Variants in PRKAR1B observed in about 807,000 individuals in gnomAD.
The protein encoded by PRKAR1B is protein kinase cAMP-dependent type I regulatory subunit beta.
In PRKAR1B, 22 loss-of-function variants were observed where a neutral mutation model predicts 46.5. That is an observed-to-expected ratio of 0.47 (90% confidence interval 0.34 to 0.68). The LOEUF is 0.68. PRKAR1B is among the 30% of genes least tolerant of loss of function. The pLI is 0.01. For synonymous variants in PRKAR1B, 259 were observed against 217.7 expected, an observed-to-expected ratio of 1.19 and a Z score of -1.67; for missense variants, 445 against 535.6, an observed-to-expected ratio of 0.83 and a Z score of 1.67.
chr7:607,332 A>G, intron 5 of PRKAR1B, 59 bp downstream of exon 5: 3 of 1,491,022 alleles, frequency 2.0e-6, no homozygotes, highest in East Asian at 2.3e-5. Context: ...TTTTTTTTTT[A>G]AGTGCATAGT....
intron 4 of PRKAR1B, among the ~76,000 whole-genome samples, chr7:622,534 G>T (rs766699908): frequency 5.3e-5 from 8 of 152,190 alleles, no homozygotes; most frequent in Non-Finnish European, 8.8e-5. Flanking sequence ...CTTCCAACAT[G>T]TCTGATCTTT....
rs917234932 is a variant in PRKAR1B, at chr7:581,364, C to T, written c.770-1987G>A. On this transcript the variant is annotated intron_variant, in intron 8 of 10. Coordinates refer to ENST00000537384, the MANE Select transcript of PRKAR1B (RefSeq NM_001164760.2). ...AGAAGCTGCTGAATAATTCAGAACC[C>T]AGGCGTGCTCCCAAGCAGGCCAACA... is the stretch of plus-strand genomic sequence containing the variant. Among the ~76,000 whole-genome samples the T allele has an allele frequency of 5.2e-4, 79 of 151,502 alleles. 1 individual carries two copies. Among genetic ancestry groups the T allele is most frequent in the African/African-American group, 1.7e-3 (72 of 41,298 alleles).
At chr7:678,290 T>C (rs566054035) in intron 3 of PRKAR1B, among the ~76,000 whole-genome samples, 4 of 149,340 alleles carry the variant, frequency 2.7e-5, no homozygotes, top group Non-Finnish European at 4.5e-5. Context: ...CAAATAAACA[T>C]ATCTACACAG....
At chr7:701,867 C>T (rs1456400119) in intron 2 of PRKAR1B, among the ~76,000 whole-genome samples, 3 of 152,116 alleles carry the variant, frequency 2.0e-5, no homozygotes, top group Non-Finnish European at 4.4e-5. Context: ...AATGCTAAAG[C>T]GAGTTCTTCA....
Position 680,621 on chromosome 7 carries a change from G to A in PRKAR1B, c.283C>T (p.Arg95Cys), listed in dbSNP as rs372454246. Residue 95 changes from arginine to cysteine, a missense_variant, in exon 3 of 11, where the codon CGC becomes TGC. Physicochemically the swap from Arg to Cys is radical, Grantham distance 180 (BLOSUM62 -3). Around this residue, in one of 5 missense-constraint regions of PRKAR1B, gnomAD observed 155 missense variants for 127.5 expected, o/e 1.22. Transcript: ENST00000537384. The stretch of plus-strand genomic sequence containing the variant: ...TCGGCACTCACGCCTCCTCGCCGGC[G>A]GCGGGCCTTCACCACAGGGTTCGGG... The part of the protein sequence containing the change: ...TPPNPVVKAR[R>C]RRGGVSAEVY... 6.2e-6 allele frequency: 10 copies of A among 1,613,128 alleles called. No homozygotes were observed. The highest frequency in any genetic ancestry group is 2.2e-5 in the East Asian group (1 of 44,814).
At chr7:562,292 C>A in intron 9 of PRKAR1B, among the ~76,000 whole-genome samples, 1 of 97,096 alleles carries the variant, frequency 1.0e-5, no homozygotes, top group East Asian at 3.3e-4. Flanking sequence ...CCAGGCACCT[C>A]TCAGGGTGGG....
At chr7:555,914 A>C (rs1391404891) in intron 9 of PRKAR1B, among the ~76,000 whole-genome samples, 1 of 152,294 alleles carries the variant, frequency 6.6e-6, no homozygotes, top group African/African-American at 2.4e-5. Context: ...GTGGGCTTGC[A>C]TCCAGGCCCC....
In PRKAR1B at chr7:607,392, T is replaced by A. The variant is rs1782154587; in HGVS notation, c.501A>T (p.Gln167His). The A allele has an allele frequency of 1.2e-6, 2 of 1,613,570 alleles. No individual in the cohort carries two copies. The highest frequency in any genetic ancestry group is 1.7e-6 in the Non-Finnish European group (2 of 1,179,524). ...CTCCGAGGAGCAGGCAGAACGTACCTTGCTGTATAACAGTCTCCCCAGCGA... is the reference window on the plus strand; with the variant it reads ...CTCCGAGGAGCAGGCAGAACGTACCATGCTGTATAACAGTCTCCCCAGCGA... ...THIAGETVIQ[Q>H]GNEGDNFYVV... The change falls in exon 5 of 11, where the codon CAA becomes CAT. Residue 167 changes from glutamine (Q) to histidine (H), a missense_variant and splice_region_variant. Physicochemically the swap from Gln to His is conservative, Grantham distance 24. Around this residue, in one of 5 missense-constraint regions of PRKAR1B, gnomAD observed 94 missense variants for 126.9 expected, o/e 0.74. Transcript: ENST00000537384.
intron 4 of PRKAR1B, among the ~76,000 whole-genome samples, chr7:626,117 C>T (rs1234976212): frequency 6.6e-6 from 1 of 151,720 alleles, no homozygotes; most frequent in African/African-American, 2.4e-5. Context: ...AAAATTCACA[C>T]AAGAAGCAAC....
rs188600654 is a variant in PRKAR1B at position 698,184 on chromosome 7, C to T, written c.177+13145G>A. On this transcript the variant is annotated intron_variant, in intron 2 of 10. Transcript: ENST00000537384. ...CTTCGGGAGGCCAAGGCAGGTGGATCACCTGATGCCAGGAGTTCAAGACCA... is the reference window on the plus strand; with the variant it reads ...CTTCGGGAGGCCAAGGCAGGTGGATTACCTGATGCCAGGAGTTCAAGACCA... Among the ~76,000 whole-genome samples, 760 of 152,096 alleles carry T rather than the reference C, an allele frequency of 5.0e-3. 10 individuals carry two copies. The highest frequency in any genetic ancestry group is 0.017 in the African/African-American group (715 of 41,510).
At chr7:566,065 G>T (rs141637728) in intron 9 of PRKAR1B, among the ~76,000 whole-genome samples, 53 of 151,852 alleles carry the variant, frequency 3.5e-4, no homozygotes, top group African/African-American at 1.2e-3. Flanking sequence ...AGACTCGTAA[G>T]GATTAAATGA....
At chr7:632,295 C>T (rs1299435483) in intron 4 of PRKAR1B, among the ~76,000 whole-genome samples, 1 of 152,192 alleles carries the variant, frequency 6.6e-6, no homozygotes, top group Non-Finnish European at 1.5e-5. Flanking sequence ...TCTTCTCAAC[C>T]TCAAGGGGCG....
intron 6 of PRKAR1B, 144 bp from the exon 7 acceptor site, chr7:596,448 C>T: frequency 9.8e-7 from 1 of 1,021,274 alleles, no homozygotes; most frequent in Non-Finnish European, 1.4e-6. Flanking sequence ...TGGGCAGAGC[C>T]CTGCGTTCCC....
chr7:682,760 GT>G (rs775053485), intron 2 of PRKAR1B, among the ~76,000 whole-genome samples: 98 of 151,714 alleles, frequency 6.5e-4, no homozygotes, highest in Non-Finnish European at 1.1e-3. Context: ...AAAAAAAATT[GT>G]TTTAAGGAAA....
In PRKAR1B at chr7:725,984, A is replaced by T. The variant is rs180794336; in HGVS notation, c.-23+1226T>A. Among the ~76,000 whole-genome samples, 14 of 152,118 alleles carry T rather than the reference A, an allele frequency of 9.2e-5. No homozygotes were observed. The East Asian group carries it at 1.7e-3, about 19-fold the overall frequency. On this transcript the variant is annotated intron_variant, in intron 1 of 10. Coordinates refer to ENST00000537384, the MANE Select transcript of PRKAR1B (RefSeq NM_001164760.2). ...AGCACTGCCCTCTCCCTGGCCCCCT[A>T]CCTGCCTAATTATCCTTAGATGACC...
intron 2 of PRKAR1B, among the ~76,000 whole-genome samples, chr7:703,058 T>C (rs879617717): frequency 2.0e-5 from 3 of 152,040 alleles, no homozygotes; most frequent in Non-Finnish European, 4.4e-5. Flanking sequence ...ATAGCTAAAA[T>C]AAGAGGATAG....
intron 4 of PRKAR1B, among the ~76,000 whole-genome samples, chr7:665,382 C>T (rs1444829636): frequency 6.6e-6 from 1 of 152,216 alleles, no homozygotes; most frequent in Non-Finnish European, 1.5e-5. Flanking sequence ...TGCCAAACGG[C>T]AGCCTCGGGG....
intron 4 of PRKAR1B, among the ~76,000 whole-genome samples, chr7:621,880 C>T (rs557093268): frequency 3.3e-5 from 5 of 152,312 alleles, no homozygotes; most frequent in East Asian, 3.9e-4. Flanking sequence ...GGGGCTCCCA[C>T]GGTCAGCAGC....
intron 7 of PRKAR1B, among the ~76,000 whole-genome samples, chr7:591,981 G>A (rs917425586): frequency 1.3e-5 from 2 of 152,346 alleles, no homozygotes; most frequent in Admixed American, 6.5e-5. Context: ...GGAACCCAGC[G>A]TGACAGACCC....
Sources: gnomAD v4.1 joint callset for allele counts (sites outside exome capture counted in the v4.1 genomes callset) on GRCh38, gnomAD v4.1.1 for gene constraint, gnomAD v4.1.1 regional missense constraint, MANE v1.5 for transcripts, NCBI Gene and HGNC (gene_info 2026-07-23, HGNC 2026-07-21) for gene names.